The following CELF5 variants were observed in gnomAD, a reference collection of about 807,000 sequenced individuals.
CELF5 encodes CUGBP Elav-like family member 5.
Under a neutral mutation model 54.9 loss-of-function variants are expected in CELF5, and 6 were observed. The observed-to-expected ratio is 0.11, with a 90% confidence interval of 0.06 to 0.22. The LOEUF is 0.22. Ranked by LOEUF, CELF5 falls within the 10% of genes least tolerant of loss-of-function variation. The pLI is 1.00. For missense variants in CELF5, 401 were observed against 678.6 expected (o/e 0.59, Z 4.54); for synonymous variants, 271 against 290.9 (o/e 0.93, Z 0.70).
intron 3 of CELF5, among the ~76,000 whole-genome samples, chr19:3,274,156 G>T (rs1349399931): frequency 8.3e-6 from 1 of 120,560 alleles, no homozygotes; most frequent in Non-Finnish European, 1.9e-5. Flanking sequence ...GGCCCCAAGG[G>T]AGGATGGGGG....
chr19:3,251,670 T>TG (rs1429428876), intron 2 of CELF5, among the ~76,000 whole-genome samples: 164 of 139,584 alleles, frequency 1.2e-3, no homozygotes, highest in African/African-American at 3.3e-3. Context: ...TTTTTTTTTT[T>TG]TTTTGTTGTT....
intron 1 of CELF5, among the ~76,000 whole-genome samples, chr19:3,231,260 C>T (rs962917363): frequency 4.6e-5 from 7 of 152,226 alleles, no homozygotes; most frequent in Middle Eastern, 3.4e-3. Context: ...GGAAATGAGA[C>T]GATCTGGGGA....
chr19:3,225,017 C>CCCCCCTCT lies in CELF5; in HGVS notation c.259+27_259+34dup. On this transcript the variant is annotated intron_variant, in intron 1 of 12. Coordinates refer to ENST00000292672, the MANE Select transcript of CELF5 (RefSeq NM_021938.4). ...CACAAAGGTGGGCGCCCGGCCCCCT[C>CCCCCCTCT]CCCCCTCTCCCCCTCCCTCCGCCTC... The CCCCCCTCT allele has an allele frequency of 8.2e-7, 1 of 1,222,234 alleles. No individual in the cohort carries two copies. The highest frequency in any genetic ancestry group is 1.4e-5 in the South Asian group (1 of 72,142). The allele number at this position is 1,222,234 out of a possible 1,614,324, so 75.7% of individuals were successfully genotyped here.
At chr19:3,296,126 A>G (rs1483768994) in intron 12 of CELF5, 3 of 151,752 alleles carry the variant, frequency 2.0e-5, no homozygotes, top group Non-Finnish European at 2.9e-5. Flanking sequence ...ATGGGGGGAA[A>G]AAATCAAACC....
intron 12 of CELF5, chr19:3,295,756 C>T (rs574210206): frequency 1.2e-3 from 181 of 152,998 alleles, no homozygotes; most frequent in Middle Eastern, 6.7e-3. Flanking sequence ...ACAACAGAGA[C>T]GCTCTGGCCT....
At chr19:3,279,892 G>C (rs907550103) in intron 5 of CELF5, among the ~76,000 whole-genome samples, 3 of 152,080 alleles carry the variant, frequency 2.0e-5, no homozygotes, top group Non-Finnish European at 2.9e-5. Flanking sequence ...TAGTAGAGAC[G>C]GGGTTTCACC....
intron 2 of CELF5, among the ~76,000 whole-genome samples, chr19:3,258,545 T>C (rs2079763462): frequency 6.6e-6 from 1 of 152,188 alleles, no homozygotes; most frequent in African/African-American, 2.4e-5. Flanking sequence ...AAAGACCTCT[T>C]TTCTAAATAA....
intron 10 of CELF5, among the ~76,000 whole-genome samples, chr19:3,287,303 T>C (rs1344804209): frequency 1.3e-5 from 2 of 151,004 alleles, no homozygotes; most frequent in Non-Finnish European, 3.0e-5. Context: ...CTCATGCCTG[T>C]AATCCTAGCA....
intron 1 of CELF5, among the ~76,000 whole-genome samples, chr19:3,247,154 TCTGA>T (rs1168622899): frequency 2.0e-5 from 3 of 152,120 alleles, no homozygotes; most frequent in African/African-American, 7.2e-5. Flanking sequence ...GTTGAGACAG[TCTGA>T]CTGTGTCACC....
In CELF5 at chr19:3,282,751, G is replaced by A. The variant is rs928276479; in HGVS notation, c.1039+253G>A. Among the ~76,000 whole-genome samples, 3 of 152,124 alleles carry A rather than the reference G, an allele frequency of 2.0e-5. No homozygotes were observed. The highest frequency in any genetic ancestry group is 4.8e-5 in the African/African-American group (2 of 41,408). ...CAGTGACCCTGGATGGGCTCTTTAC[G>A]TCCCTGAGCCTCAGTTTGCTCATCT... On this transcript the variant is annotated intron_variant, in intron 8 of 12. Coordinates refer to ENST00000292672, the MANE Select transcript of CELF5 (RefSeq NM_021938.4). This position sits in a 1 kb window ranked among gnomAD's most constrained non-coding sequence, Gnocchi z 5.2.
intron 1 of CELF5, among the ~76,000 whole-genome samples, chr19:3,233,514 G>A (rs1206416357): frequency 1.3e-5 from 2 of 152,134 alleles, no homozygotes; most frequent in African/African-American, 2.4e-5. Context: ...TCTAGGAGGT[G>A]ACGTTTGAGA....
At chr19:3,286,105 C>A in intron 10 of CELF5, 80 bp downstream of exon 10, 1 of 1,276,830 alleles carries the variant, frequency 7.8e-7, no homozygotes, top group Non-Finnish European at 1.0e-6. Context: ...GTGTCTGGCC[C>A]GGGCCTCTGG....
chr19:3,250,090 G>A (rs1207455850), intron 1 of CELF5, among the ~76,000 whole-genome samples: 2 of 152,292 alleles, frequency 1.3e-5, no homozygotes, highest in South Asian at 4.1e-4. Context: ...CACTTCGACT[G>A]TCCCCTCCCA....
chr19:3,243,300 T>C (rs539438024), intron 1 of CELF5, among the ~76,000 whole-genome samples: 3 of 152,230 alleles, frequency 2.0e-5, no homozygotes, highest in Non-Finnish European at 4.4e-5. Context: ...GGTTTTGCTA[T>C]GTCGCAAAAC....
intron 1 of CELF5, among the ~76,000 whole-genome samples, chr19:3,227,060 C>T (rs1295082714): frequency 6.6e-6 from 1 of 152,094 alleles, no homozygotes. Flanking sequence ...TTTTAGGGGT[C>T]CCAGGTCCGT....
chr19:3,272,198 T>G (rs2079977365), intron 2 of CELF5, among the ~76,000 whole-genome samples: 1 of 151,780 alleles, frequency 6.6e-6, no homozygotes, highest in African/African-American at 2.4e-5. Context: ...AAACCCCATC[T>G]CTACTAAAAA....
chr19:3,291,758 G>A (rs2080352633), intron 11 of CELF5, among the ~76,000 whole-genome samples: 1 of 151,576 alleles, frequency 6.6e-6, no homozygotes, highest in South Asian at 2.1e-4. Context: ...GGGGAGAGAG[G>A]GAGGAGGGGG....
chr19:3,280,248 G>A (rs922060088), intron 5 of CELF5, among the ~76,000 whole-genome samples: 2 of 152,076 alleles, frequency 1.3e-5, no homozygotes, highest in African/African-American at 4.8e-5. Context: ...CTGGGTGGAT[G>A]GGCCACAGGT....
At chr19:3,234,389 G>A (rs532501261) in intron 1 of CELF5, among the ~76,000 whole-genome samples, 20 of 152,260 alleles carry the variant, frequency 1.3e-4, no homozygotes, top group African/African-American at 4.8e-4. Context: ...GTGAGCCACC[G>A]CGCCCAGCCA....
Sources: gnomAD v4.1 joint callset for allele counts (sites outside exome capture counted in the v4.1 genomes callset) on GRCh38, gnomAD v4.1.1 for gene constraint, Gnocchi (gnomAD v3.1) non-coding constraint, MANE v1.5 for transcripts, NCBI Gene and HGNC (gene_info 2026-07-23, HGNC 2026-07-21) for gene names.